The following PKHD1 variants were observed in gnomAD, a reference collection of about 807,000 sequenced individuals.
PKHD1 encodes fibrocystin.
PKHD1 carries 291 observed loss-of-function variants against 412.0 expected under a neutral mutation model. The observed-to-expected ratio is 0.71, with a 90% CI of 0.64 to 0.78. The LOEUF is 0.78. Ranked by LOEUF, PKHD1 falls within the 30% of genes least tolerant of loss-of-function variation. PKHD1 has a pLI of 0.00. For missense variants in PKHD1, 4,825 were observed against 4,950.7 expected (o/e 0.97, Z 0.76); for synonymous variants, 1,777 against 1,821.5 (o/e 0.98, Z 0.62).
intron 5 of PKHD1, 141 bp downstream of exon 5, chr6:52,079,759 A>G: frequency 1.3e-6 from 1 of 748,986 alleles, no homozygotes; most frequent in Non-Finnish European, 2.5e-6. Flanking sequence ...AGTATAATAT[A>G]AGAAACTCTG....
At chr6:51,959,577 C>G (rs997390305) in intron 36 of PKHD1, among the ~76,000 whole-genome samples, 11 of 152,034 alleles carry the variant, frequency 7.2e-5, no homozygotes, top group Admixed American at 5.2e-4. Flanking sequence ...CCTGGATAAG[C>G]ATGACTAAAA....
In PKHD1 at chr6:51,761,590, T is replaced by C. The variant is rs112330169; in HGVS notation, c.8643-6652A>G. Among the ~76,000 whole-genome samples the C allele has an allele frequency of 5.7e-4, 87 of 151,984 alleles. 1 individual carries two copies. The highest frequency in any genetic ancestry group is 2.0e-3 in the African/African-American group (82 of 41,312). ...AAAAATGCTGAGTGTGGATGTGAAG[T>C]ATCCTTACCACAAAAAAAGATAACT... On this transcript the variant is annotated intron_variant, in intron 55 of 66. Transcript: ENST00000371117.
Position 52,050,248 on chromosome 6 carries a change from C to A in PKHD1, c.2188G>T (p.Glu730Ter). Residue 730 changes from glutamate to a stop codon, truncating the protein, a stop_gained, in exon 22 of 67, where the codon GAA becomes TAA. Transcript: ENST00000371117. LOFTEE classifies it high-confidence loss of function. ...GTARPGGNLVESVSVVGSPPV... is the reference protein window; with the variant it reads ...GTARPGGNLV ...GGGGATCCCACCACAGAGACTGATTCCACCAGATTGCCCCCTGGGCGAGCC... is the reference window on the plus strand; with the variant it reads ...GGGGATCCCACCACAGAGACTGATTACACCAGATTGCCCCCTGGGCGAGCC... 1 of 1,614,212 alleles carries A rather than the reference C, an allele frequency of 6.2e-7. No individual in the cohort carries two copies. Among genetic ancestry groups the A allele is most frequent in the South Asian group, 1.1e-5 (1 of 91,090 alleles).
At chr6:52,033,214 G>A in intron 28 of PKHD1, 49 bp from the exon 29 acceptor site, 1 of 1,460,596 alleles carries the variant, frequency 6.8e-7, no homozygotes, top group Non-Finnish European at 9.6e-7. Context: ...TTTAAAGTAG[G>A]ACTGACTTAA....
At chr6:51,866,772 T>C (rs1775122843) in intron 48 of PKHD1, among the ~76,000 whole-genome samples, 1 of 152,074 alleles carries the variant, frequency 6.6e-6, no homozygotes, top group South Asian at 2.1e-4. Context: ...GTAAAAACAC[T>C]AAAATAATAA....
In PKHD1 at chr6:51,632,435, T is replaced by C. The variant is rs991305491; in HGVS notation, c.11665+130A>G. 17 of 730,870 alleles carry C rather than the reference T, an allele frequency of 2.3e-5. No homozygotes were observed. The African/African-American group carries it at 2.9e-4, about 12-fold the overall frequency. 45.3% of individuals were successfully genotyped at this position (730,870 alleles called of 1,614,324 possible). On this transcript the variant is annotated intron_variant, in intron 65 of 66. Transcript: ENST00000371117. ...GTATTAATTGAACAATTTGGCTTTG[T>C]GTAATTTTATATTTTAGAGAAGCTC...
chr6:51,882,647 T>A (rs1777560541), intron 46 of PKHD1, among the ~76,000 whole-genome samples: 1 of 152,194 alleles, frequency 6.6e-6, no homozygotes, highest in African/African-American at 2.4e-5. Context: ...GAACTAGTGC[T>A]TCCCACCCGG....
intron 35 of PKHD1, among the ~76,000 whole-genome samples, chr6:51,986,951 A>G (rs1796292995): frequency 6.6e-6 from 1 of 152,234 alleles, no homozygotes; most frequent in Non-Finnish European, 1.5e-5. Flanking sequence ...ATCTAGCAGG[A>G]AACAAGTATA....
chr6:51,871,217 C>T (rs967353827), intron 46 of PKHD1, among the ~76,000 whole-genome samples: 1 of 152,032 alleles, frequency 6.6e-6, no homozygotes, highest in Admixed American at 6.6e-5. Flanking sequence ...TATATAAAAA[C>T]CTGAGACAAA....
At chr6:51,632,817 C>A in intron 64 of PKHD1, 94 bp from the exon 65 acceptor site, 2 of 936,578 alleles carry the variant, frequency 2.1e-6, no homozygotes, top group South Asian at 1.5e-5. Flanking sequence ...ATAATAGTAT[C>A]TGGGATATAG....
At chr6:51,970,045 A>G (rs543996454) in intron 35 of PKHD1, among the ~76,000 whole-genome samples, 5 of 152,312 alleles carry the variant, frequency 3.3e-5, no homozygotes, top group South Asian at 4.1e-4. Context: ...ACTAATTTAC[A>G]TTCCCACCAA....
At chr6:51,826,165 GC>G (rs1767275876) in intron 52 of PKHD1, among the ~76,000 whole-genome samples, 1 of 151,996 alleles carries the variant, frequency 6.6e-6, no homozygotes, top group South Asian at 2.1e-4. Context: ...ATGATCTTTT[GC>G]AATTTAACAA....
At chr6:51,699,738 G>T (rs939191207) in intron 60 of PKHD1, among the ~76,000 whole-genome samples, 7 of 152,190 alleles carry the variant, frequency 4.6e-5, no homozygotes, top group Admixed American at 4.6e-4. Flanking sequence ...AAGCTGTAAT[G>T]GTCATAAATG....
chr6:51,792,841 T>C (rs1220781793), intron 52 of PKHD1, among the ~76,000 whole-genome samples: 1 of 152,318 alleles, frequency 6.6e-6, no homozygotes, highest in South Asian at 2.1e-4. Flanking sequence ...AACCTCTCTC[T>C]TTTACACTCC....
At chr6:51,843,683 GATAATAGTTCATCGTATTC>G (rs1770627030) in intron 50 of PKHD1, among the ~76,000 whole-genome samples, 1 of 152,140 alleles carries the variant, frequency 6.6e-6, no homozygotes, top group Non-Finnish European at 1.5e-5. Context: ...TGGGATACAC[GATAATAGTTCATCGTATTC>G]ATAATTGTTT....
At chr6:51,964,588 A>T (rs1792533781) in intron 35 of PKHD1, among the ~76,000 whole-genome samples, 2 of 152,132 alleles carry the variant, frequency 1.3e-5, no homozygotes, top group South Asian at 4.1e-4. Flanking sequence ...GTATCCCTAG[A>T]ACCTACAATA....
At chr6:51,961,925 T>C (rs959227022) in intron 35 of PKHD1, among the ~76,000 whole-genome samples, 1 of 152,128 alleles carries the variant, frequency 6.6e-6, no homozygotes, top group Non-Finnish European at 1.5e-5. Context: ...TGTCATCATA[T>C]ACCTGTGAAA....
intron 37 of PKHD1, among the ~76,000 whole-genome samples, chr6:51,925,152 G>T (rs1031128441): frequency 2.6e-5 from 4 of 152,168 alleles, no homozygotes; most frequent in Non-Finnish European, 4.4e-5. Flanking sequence ...ACGGAGCAAA[G>T]TCAAGCTCAT....
intron 39 of PKHD1, among the ~76,000 whole-genome samples, chr6:51,911,073 C>T (rs535327231): frequency 6.6e-6 from 1 of 152,204 alleles, no homozygotes; most frequent in Non-Finnish European, 1.5e-5. Flanking sequence ...CACCCCAAAA[C>T]CTGCTCCTCT....
Sources: gnomAD v4.1 joint callset for allele counts (sites outside exome capture counted in the v4.1 genomes callset) on GRCh38, gnomAD v4.1.1 for gene constraint, MANE v1.5 for transcripts, NCBI Gene and HGNC (gene_info 2026-07-23, HGNC 2026-07-21) for gene names.